The following STK32B variants were observed in gnomAD, a reference collection of about 807,000 sequenced individuals.
STK32B encodes the protein serine/threonine-protein kinase 32B.
Under a neutral mutation model 52.6 loss-of-function variants are expected in STK32B, and 43 were observed. The ratio of observed to expected loss-of-function variants is 0.82; its 90% CI spans 0.64 to 1.05. The LOEUF (loss-of-function observed/expected upper bound fraction) is 1.05, where lower values mean the gene tolerates loss of function less well. STK32B is among the 50% of genes least tolerant of loss of function. The pLI is 0.00. For missense variants in STK32B, 621 were observed against 534.6 expected, an observed-to-expected ratio of 1.16 and a Z score of -1.59; for synonymous variants, 238 against 204.3, an observed-to-expected ratio of 1.17 and a Z score of -1.41.
rs527888277 is a variant in STK32B, at chr4:5,468,859, G to C, written c.1106+789G>C. Among the ~76,000 whole-genome samples, 5 of 152,146 alleles carry C rather than the reference G, an allele frequency of 3.3e-5. No individual in the cohort carries two copies. In the South Asian group the frequency reaches 8.3e-4, roughly 25 times the overall value. On this transcript the variant is annotated intron_variant, in intron 11 of 11. Coordinates refer to ENST00000282908, the MANE Select transcript of STK32B (RefSeq NM_018401.3). ...GGGCAGATCACGAGGTCAGGATATCGAGACCACGGTGAAACCCCGTCTCTT... is the reference window on the plus strand; with the variant it reads ...GGGCAGATCACGAGGTCAGGATATCCAGACCACGGTGAAACCCCGTCTCTT...
intron 4 of STK32B, among the ~76,000 whole-genome samples, chr4:5,346,693 T>C (rs16837046): frequency 0.045 from 6,878 of 152,270 alleles, 437 homozygotes; most frequent in Admixed American, 0.18. Flanking sequence ...GCTACTCTAT[T>C]AACAAGGAGG....
intron 4 of STK32B, among the ~76,000 whole-genome samples, chr4:5,389,465 T>A (rs1006329017): frequency 3.3e-5 from 5 of 152,126 alleles, no homozygotes; most frequent in African/African-American, 9.7e-5. Context: ...TTGCTGCTCT[T>A]CACAAGACCG....
intron 1 of STK32B, among the ~76,000 whole-genome samples, chr4:5,111,512 A>C (rs527871828): frequency 6.6e-6 from 1 of 152,164 alleles, no homozygotes; most frequent in East Asian, 1.9e-4. Context: ...CTAACACAGA[A>C]ACAGAAAATT....
intron 4 of STK32B, among the ~76,000 whole-genome samples, chr4:5,348,025 A>G (rs868505194): frequency 1.3e-5 from 2 of 152,194 alleles, no homozygotes; most frequent in African/African-American, 4.8e-5. Flanking sequence ...TAGATCATCT[A>G]AGAGAGAATA....
intron 1 of STK32B, among the ~76,000 whole-genome samples, chr4:5,092,365 T>G (rs1016788674): frequency 2.6e-5 from 4 of 151,786 alleles, no homozygotes; most frequent in Admixed American, 2.6e-4. Flanking sequence ...AACCCTGTCT[T>G]TACTAAAAAT....
chr4:5,136,224 A>G (rs1453626201), intron 1 of STK32B, among the ~76,000 whole-genome samples: 3 of 152,330 alleles, frequency 2.0e-5, no homozygotes, highest in South Asian at 4.1e-4. Context: ...CTGAGCAAAT[A>G]ATGCCGCCAA....
At chr4:5,117,057 T>G (rs1714769617) in intron 1 of STK32B, among the ~76,000 whole-genome samples, 1 of 152,190 alleles carries the variant, frequency 6.6e-6, no homozygotes, top group Non-Finnish European at 1.5e-5. Context: ...TCTTTAGAAT[T>G]TTCTATATAT....
chr4:5,319,230 A>C (rs1731322816), intron 3 of STK32B, among the ~76,000 whole-genome samples: 1 of 152,180 alleles, frequency 6.6e-6, no homozygotes, highest in African/African-American at 2.4e-5. Flanking sequence ...CTGTATGACT[A>C]ATGAGGATAT....
upstream of STK32B, among the ~76,000 whole-genome samples, chr4:5,050,805 A>C (rs1286010446): frequency 3.9e-5 from 6 of 152,188 alleles, no homozygotes; most frequent in East Asian, 1.2e-3. Flanking sequence ...CTCCCGATCC[A>C]GGCTCCCGCC....
At chr4:5,489,947 A>G (rs1719570089) in intron 11 of STK32B, among the ~76,000 whole-genome samples, 1 of 152,224 alleles carries the variant, frequency 6.6e-6, no homozygotes, top group Non-Finnish European at 1.5e-5. Flanking sequence ...CTAGACAGAC[A>G]TATATACATA....
At chr4:5,463,531 T>C (rs1270227192) in intron 9 of STK32B, among the ~76,000 whole-genome samples, 3 of 151,844 alleles carry the variant, frequency 2.0e-5, no homozygotes. Context: ...CACACACATA[T>C]GCACACGTGC....
intron 2 of STK32B, among the ~76,000 whole-genome samples, chr4:5,161,739 C>T (rs930625): frequency 0.54 from 82,466 of 151,874 alleles, 22,532 homozygotes; most frequent in African/African-American, 0.58. Flanking sequence ...AAGCTTCATC[C>T]GCCAAACATA....
intron 3 of STK32B, among the ~76,000 whole-genome samples, chr4:5,279,671 T>A (rs1560282168): frequency 6.6e-6 from 1 of 152,196 alleles, no homozygotes; most frequent in East Asian, 1.9e-4. Flanking sequence ...ACTGCCCTAA[T>A]AGAGGTTCTC....
chr4:5,185,275 G>C (rs568072894), intron 3 of STK32B, among the ~76,000 whole-genome samples: 1 of 152,134 alleles, frequency 6.6e-6, no homozygotes, highest in Non-Finnish European at 1.5e-5. Context: ...CTAAACAACC[G>C]AGAGAATGAA....
At chr4:5,167,036 T>A (rs1013591269) in intron 2 of STK32B, among the ~76,000 whole-genome samples, 1 of 152,194 alleles carries the variant, frequency 6.6e-6, no homozygotes, top group Non-Finnish European at 1.5e-5. Flanking sequence ...TTTCCTGCTG[T>A]GCTTGCTGTG....
chr4:5,361,619 A>G lies in STK32B; in HGVS notation c.434+30226A>G, dbSNP rs190994568. ...GGCTGAAGTGATCCTCCGACCAAGG[A>G]TCAATGGCATAGGCCATATTGCTTG... On this transcript the variant is annotated intron_variant, in intron 4 of 11. Transcript: ENST00000282908. 4.6e-5 allele frequency among the ~76,000 whole-genome samples: 7 copies of G among 152,328 alleles called. No individual in the cohort carries two copies. In the East Asian group the frequency reaches 1.4e-3, roughly 29 times the overall value.
chr4:5,340,566 A>C (rs1272340547), intron 4 of STK32B, among the ~76,000 whole-genome samples: 1 of 152,200 alleles, frequency 6.6e-6, no homozygotes, highest in Admixed American at 6.5e-5. Context: ...CTAACTTGTC[A>C]TTGAGAATGA....
intron 1 of STK32B, among the ~76,000 whole-genome samples, chr4:5,077,354 T>G (rs1712144824): frequency 6.6e-6 from 1 of 152,066 alleles, no homozygotes; most frequent in Admixed American, 6.6e-5. Context: ...TTGGTGGTGC[T>G]TCCTTATCCC....
At chr4:5,323,264 C>A (rs193177331) in intron 3 of STK32B, among the ~76,000 whole-genome samples, 5 of 152,082 alleles carry the variant, frequency 3.3e-5, no homozygotes, top group African/African-American at 1.2e-4. Flanking sequence ...GAATCACCTC[C>A]GAGGCACAGG....
Sources: allele counts gnomAD v4.1 joint callset (sites outside exome capture counted in the v4.1 genomes callset), GRCh38; gene constraint gnomAD v4.1.1; transcripts MANE v1.5; gene names NCBI Gene and HGNC (gene_info 2026-07-23, HGNC 2026-07-21).